Variants in PITPNM3 observed in about 807,000 individuals in gnomAD.
The protein encoded by PITPNM3 is PITPNM family member 3.
A neutral mutation model predicts 102.0 loss-of-function variants in PITPNM3; 26 were observed. That is an observed-to-expected ratio of 0.25 (90% CI 0.19 to 0.35). The LOEUF is 0.35. Among genes scored for constraint, PITPNM3 ranks in the 10% least tolerant of loss-of-function variants. The pLI is 1.00. For missense variants in PITPNM3, 1,083 were observed against 1,346.1 expected, an observed-to-expected ratio of 0.80 and a Z score of 3.06; for synonymous variants, 578 against 558.6, an observed-to-expected ratio of 1.03 and a Z score of -0.49.
At chr17:6,508,134 G>A (rs1907652494) in intron 3 of PITPNM3, among the ~76,000 whole-genome samples, 1 of 152,074 alleles carries the variant, frequency 6.6e-6, no homozygotes, top group South Asian at 2.1e-4. Context: ...GGTGCCAAGA[G>A]GCCAGGAGGT....
chr17:6,475,284 C>A (rs1301185356), intron 9 of PITPNM3, among the ~76,000 whole-genome samples: 1 of 152,200 alleles, frequency 6.6e-6, no homozygotes, highest in Non-Finnish European at 1.5e-5. Flanking sequence ...CATTTCCAAC[C>A]CAGGTGCCCA....
rs758538842 is a variant in PITPNM3 at position 6,471,304 on chromosome 17, T to A, written c.1481A>T (p.Asp494Val). Residue 494 changes from aspartate (D) to valine (V), a missense_variant, in exon 12 of 20, where the codon GAC becomes GTC. By Grantham distance (152) the Asp-to-Val change is radical (BLOSUM62 -3). Coordinates refer to ENST00000262483, the MANE Select transcript of PITPNM3 (RefSeq NM_031220.4). ...SPLFLEGSSR[D>V]SPPLLDAPAS... Reference sequence around the variant, plus strand: ...AGGGGCATCCAGAAGTGGCGGGCTGTCCCGGGAGCTGCCCTCCAGGAAGAG... The same window carrying A: ...AGGGGCATCCAGAAGTGGCGGGCTGACCCGGGAGCTGCCCTCCAGGAAGAG... 1.4e-5 allele frequency: 22 copies of A among 1,610,392 alleles called. No individual in the cohort carries two copies. The South Asian group carries it at 2.3e-4, about 17-fold the overall frequency.
At chr17:6,515,883 A>G (rs886885142) in intron 3 of PITPNM3, among the ~76,000 whole-genome samples, 19 of 152,192 alleles carry the variant, frequency 1.2e-4, no homozygotes, top group African/African-American at 4.6e-4. Flanking sequence ...ACAAACAAAC[A>G]AAAAAACAAA....
rs1905881133 is a variant in PITPNM3 at position 6,483,611 on chromosome 17, T to TA, written c.492_493insT (p.Thr165TyrfsTer25). ...AGGGCAGCAGGGAAATGGGCTCGTG[T>TA]GACCTTCTCCAGCACGGAGCTGAAG... On this transcript the variant is annotated frameshift_variant, in exon 6 of 20. Coordinates refer to ENST00000262483, the MANE Select transcript of PITPNM3 (RefSeq NM_031220.4). LOFTEE classifies it high-confidence loss of function. 6.2e-7 allele frequency: 1 copy of TA among 1,613,990 alleles called. No individual in the cohort carries two copies. The highest frequency in any genetic ancestry group is 1.1e-5 in the South Asian group (1 of 91,080).
chr17:6,518,296 T>G (rs1597397695), intron 3 of PITPNM3, among the ~76,000 whole-genome samples: 1 of 152,148 alleles, frequency 6.6e-6, no homozygotes, highest in Non-Finnish European at 1.5e-5. Context: ...GGGCTACTTA[T>G]CCAAACCCTG....
At position 6,556,402 on chromosome 17, in the gene PITPNM3, G is replaced by A. The variant is rs1178138327; in HGVS notation, c.5C>T (p.Ala2Val). The A allele has an allele frequency of 1.5e-6, 2 of 1,333,058 alleles. No individual in the cohort carries two copies. Among genetic ancestry groups the A allele is most frequent in the Non-Finnish European group, 1.9e-6 (2 of 1,040,026 alleles). 82.6% of individuals were successfully genotyped at this position (1,333,058 alleles called of 1,614,324 possible). MAKAGRAGGPPP... is the reference protein window; with the variant it reads MVKAGRAGGPPP... ...GCCCTCACCTGCACGGCCCGCCTTG[G>A]CCATGTCCCGGGCGGCGGGCTCCGG... is the stretch of plus-strand genomic sequence containing the variant. Residue 2 changes from alanine (A) to valine (V), a missense_variant, in exon 1 of 20, where the codon GCC becomes GTC. Physicochemically the swap from Ala to Val is moderately conservative, Grantham distance 64 (BLOSUM62 0). Coordinates refer to ENST00000262483, the MANE Select transcript of PITPNM3 (RefSeq NM_031220.4). This position sits in a 1 kb window ranked among gnomAD's most constrained non-coding sequence, Gnocchi z 5.2.
In PITPNM3 at chr17:6,477,959, T is replaced by G. The variant is rs750595299; in HGVS notation, c.900+16A>C. The G allele has an allele frequency of 9.3e-6, 15 of 1,611,378 alleles. No individual in the cohort carries two copies. Among genetic ancestry groups the G allele is most frequent in the Non-Finnish European group, 1.1e-5 (13 of 1,179,988 alleles). Reference sequence around the variant, plus strand: ...TATGGGCATACCCCTCCCGCGGTCCTGTCCCCCGGCTGTACCTGGGTGCTG... The same window carrying G: ...TATGGGCATACCCCTCCCGCGGTCCGGTCCCCCGGCTGTACCTGGGTGCTG... On this transcript the variant is annotated intron_variant, in intron 8 of 19. Coordinates refer to ENST00000262483, the MANE Select transcript of PITPNM3 (RefSeq NM_031220.4).
intron 4 of PITPNM3, among the ~76,000 whole-genome samples, chr17:6,500,671 A>G (rs1907114124): frequency 6.7e-6 from 1 of 148,936 alleles, no homozygotes; most frequent in African/African-American, 2.5e-5. Flanking sequence ...TTTGCTAAAT[A>G]AGAACACTCT....
rs981535098 is a variant in PITPNM3, at chr17:6,468,011, G to T, written c.1890+214C>A. On this transcript the variant is annotated intron_variant, in intron 14 of 19. Coordinates refer to ENST00000262483, the MANE Select transcript of PITPNM3 (RefSeq NM_031220.4). The surrounding 1 kb of genome is among the most constrained non-coding windows in gnomAD (Gnocchi z 5.2). ...AGTGTCTTGGACTCCTGCCCTCAGG[G>T]CTCCTGTGGAACCAGGCCATGGGAA... Among the ~76,000 whole-genome samples the T allele has an allele frequency of 9.2e-5, 14 of 152,316 alleles. No individual in the cohort carries two copies. Among genetic ancestry groups the T allele is most frequent in the African/African-American group, 2.2e-4 (9 of 41,570 alleles).
chr17:6,551,928 A>C (rs1031075920), intron 1 of PITPNM3, among the ~76,000 whole-genome samples: 2 of 152,054 alleles, frequency 1.3e-5, no homozygotes, highest in African/African-American at 4.8e-5. Flanking sequence ...TCAGCAGAGC[A>C]AGGTCCAAAC....
chr17:6,547,378 G>C (rs2150677507), intron 1 of PITPNM3, among the ~76,000 whole-genome samples: 1 of 152,264 alleles, frequency 6.6e-6, no homozygotes, highest in African/African-American at 2.4e-5. Flanking sequence ...ACTTTCATTT[G>C]CTCTGCCAAT....
intron 1 of PITPNM3, among the ~76,000 whole-genome samples, chr17:6,550,927 G>A (rs891587392): frequency 1.3e-5 from 2 of 152,218 alleles, no homozygotes; most frequent in Non-Finnish European, 1.5e-5. Context: ...AGAACTGAGC[G>A]GCAACAAACG....
chr17:6,513,140 T>C (rs1201680834), intron 3 of PITPNM3, among the ~76,000 whole-genome samples: 1 of 146,314 alleles, frequency 6.8e-6, no homozygotes, highest in Non-Finnish European at 1.5e-5. Context: ...AAACTAGAAA[T>C]AGGAGGGAAC....
At position 6,478,604 on chromosome 17, in the gene PITPNM3, G is replaced by A; in HGVS notation, c.720C>T (p.Ala240=). Residue 240 remains alanine, a synonymous_variant, in exon 7 of 20, where the codon GCC becomes GCT. Coordinates refer to ENST00000262483, the MANE Select transcript of PITPNM3 (RefSeq NM_031220.4). The surrounding 1 kb of genome is among the most constrained non-coding windows in gnomAD (Gnocchi z 4.4). ...TCAGGAACTCTCTGTAGACCTGGTT[G>A]GCTCGCTCGATGACGGTGGCGACAG... ...QDAVATVIER[A]NQVYREFLKS... The A allele has an allele frequency of 5.6e-6, 9 of 1,614,144 alleles. No individual in the cohort carries two copies. Among genetic ancestry groups the A allele is most frequent in the Non-Finnish European group, 7.6e-6 (9 of 1,180,024 alleles).
At chr17:6,548,484 G>T (rs531780886) in intron 1 of PITPNM3, among the ~76,000 whole-genome samples, 4 of 152,130 alleles carry the variant, frequency 2.6e-5, no homozygotes, top group Non-Finnish European at 5.9e-5. Context: ...AGCCTCACGG[G>T]GGGCAGGAAG....
chr17:6,483,476 C>T lies in PITPNM3; in HGVS notation c.587+41G>A, dbSNP rs188805935. The T allele has an allele frequency of 4.6e-5, 73 of 1,577,010 alleles. No individual in the cohort carries two copies. The Admixed American group carries it at 1.3e-3, about 27-fold the overall frequency. On this transcript the variant is annotated intron_variant, in intron 6 of 19. Transcript: ENST00000262483. The stretch of plus-strand genomic sequence containing the variant: ...GGGGAGCCCCTCCACTTAGTTCCCC[C>T]ACCAACCCCAACCAGTTCAAACAAG...
chr17:6,483,342 C>T (rs1315044925), intron 6 of PITPNM3, among the ~76,000 whole-genome samples, 175 bp downstream of exon 6: 1 of 152,044 alleles, frequency 6.6e-6, no homozygotes, highest in Non-Finnish European at 1.5e-5. Context: ...CAGGCCCAGG[C>T]AGAGGACTCT....
At chr17:6,463,696 C>CA (rs758507478) in intron 17 of PITPNM3, 36 bp downstream of exon 17, 4 of 1,606,628 alleles carry the variant, frequency 2.5e-6, no homozygotes, top group Non-Finnish European at 2.5e-6. Flanking sequence ...TCCTGCCCCC[C>CA]AGGGAGATAT....
chr17:6,508,672 G>T (rs2150617551), intron 3 of PITPNM3, among the ~76,000 whole-genome samples: 1 of 152,314 alleles, frequency 6.6e-6, no homozygotes, highest in East Asian at 1.9e-4. Flanking sequence ...GGACTGGCTG[G>T]TGTTTGCCTC....
Sources: gnomAD v4.1 joint callset for allele counts (sites outside exome capture counted in the v4.1 genomes callset) on GRCh38, gnomAD v4.1.1 for gene constraint, Gnocchi (gnomAD v3.1) non-coding constraint, MANE v1.5 for transcripts, NCBI Gene and HGNC (gene_info 2026-07-23, HGNC 2026-07-21) for gene names.